MAPRE1: variants seen among roughly 807,000 people sequenced by gnomAD.
The protein encoded by MAPRE1 is microtubule associated protein RP/EB family member 1.
A neutral mutation model predicts 32.1 loss-of-function variants in MAPRE1; 5 were observed. The ratio of observed to expected loss-of-function variants is 0.16; its 90% confidence interval spans 0.08 to 0.33. The LOEUF (loss-of-function observed/expected upper bound fraction) is 0.33, where lower values mean the gene tolerates loss of function less well. MAPRE1 is among the 10% of genes least tolerant of loss of function. The pLI, the probability that MAPRE1 is intolerant of heterozygous loss-of-function variation, is 1.00. For missense variants in MAPRE1, 209 were observed against 327.2 expected (o/e 0.64, Z 2.79); for synonymous variants, 122 against 118.9 (o/e 1.03, Z -0.17).
chr20:32,830,553 A>G (rs1296006385), intron 2 of MAPRE1, among the ~76,000 whole-genome samples: 2 of 152,164 alleles, frequency 1.3e-5, no homozygotes, highest in Non-Finnish European at 1.5e-5. Context: ...CTTCTGAAAG[A>G]GCTTCTAGAT....
chr20:32,831,649 C>T (rs1000643588), intron 2 of MAPRE1, among the ~76,000 whole-genome samples: 24 of 151,642 alleles, frequency 1.6e-4, no homozygotes, highest in Admixed American at 1.6e-3. Context: ...TCTCCTGCCT[C>T]GGGTTCCCAA....
intron 4 of MAPRE1, 50 bp from the exon 5 acceptor site, chr20:32,839,685 T>G (rs763577855): frequency 1.2e-6 from 2 of 1,603,458 alleles, no homozygotes; most frequent in Non-Finnish European, 1.7e-6. Context: ...ATTTTTTGTT[T>G]GTTTGGGCTG....
At chr20:32,842,799 G>A (rs533622234) in intron 5 of MAPRE1, among the ~76,000 whole-genome samples, 3 of 152,314 alleles carry the variant, frequency 2.0e-5, no homozygotes, top group Middle Eastern at 6.8e-3. Context: ...TCCCAGATGA[G>A]GGTTACGGAA....
intron 2 of MAPRE1, among the ~76,000 whole-genome samples, chr20:32,832,493 GTC>G (rs1216619598): frequency 6.8e-6 from 1 of 146,032 alleles, no homozygotes; most frequent in Admixed American, 6.9e-5. Flanking sequence ...TTGAGACGAG[GTC>G]TCTCTCTGTC....
chr20:32,820,180 C>G (rs1156677890), intron 1 of MAPRE1, among the ~76,000 whole-genome samples, 152 bp downstream of exon 1: 2 of 140,972 alleles, frequency 1.4e-5, no homozygotes, highest in African/African-American at 2.7e-5. Context: ...GGGGCCGTCA[C>G]CCGGCGCGCG....
chr20:32,832,317 A>G (rs1030189776), intron 2 of MAPRE1, among the ~76,000 whole-genome samples: 2 of 152,188 alleles, frequency 1.3e-5, no homozygotes, highest in Admixed American at 6.5e-5. Context: ...CCTGCTGTGA[A>G]TTAGGAGAGT....
chr20:32,832,094 C>G (rs893891606), intron 2 of MAPRE1, among the ~76,000 whole-genome samples: 1 of 152,280 alleles, frequency 6.6e-6, no homozygotes, highest in Admixed American at 6.5e-5. Context: ...AGTGCCCCTG[C>G]TCTCGTTTAT....
chr20:32,834,021 CT>C (rs3841682), intron 3 of MAPRE1, among the ~76,000 whole-genome samples, 159 bp downstream of exon 3: 1 of 152,212 alleles, frequency 6.6e-6, no homozygotes, highest in Admixed American at 6.5e-5. Flanking sequence ...CAGTTTGCCC[CT>C]ACCTTCTTGC....
chr20:32,826,737 G>A (rs1982863757), intron 2 of MAPRE1, among the ~76,000 whole-genome samples: 2 of 150,098 alleles, frequency 1.3e-5, no homozygotes, highest in Admixed American at 6.6e-5. Flanking sequence ...CCATGAGGTC[G>A]AACTCGTGAC....
chr20:32,830,324 C>T (rs1368278082), intron 2 of MAPRE1, among the ~76,000 whole-genome samples: 1 of 152,168 alleles, frequency 6.6e-6, no homozygotes, highest in Admixed American at 6.5e-5. Context: ...AGTGTGTTAT[C>T]ACACCTGTAA....
intron 2 of MAPRE1, among the ~76,000 whole-genome samples, chr20:32,826,832 TAAAG>T (rs1163437958): frequency 2.6e-5 from 4 of 151,994 alleles, no homozygotes; most frequent in Non-Finnish European, 5.9e-5. Context: ...TATACTTAAA[TAAAG>T]AGTGTGCTCT....
intron 5 of MAPRE1, among the ~76,000 whole-genome samples, chr20:32,844,205 C>T (rs1013330731): frequency 2.6e-5 from 4 of 151,998 alleles, no homozygotes; most frequent in African/African-American, 7.3e-5. Flanking sequence ...AGGAGTGCCA[C>T]GTGAAAGCCA....
chr20:32,828,442 T>A (rs561128134), intron 2 of MAPRE1, among the ~76,000 whole-genome samples: 8 of 152,248 alleles, frequency 5.3e-5, no homozygotes, highest in Non-Finnish European at 7.3e-5. Context: ...AAGTTGTATA[T>A]GTGCTGATCG....
At chr20:32,843,752 G>A (rs1983426288) in intron 5 of MAPRE1, among the ~76,000 whole-genome samples, 1 of 152,106 alleles carries the variant, frequency 6.6e-6, no homozygotes, top group Non-Finnish European at 1.5e-5. Flanking sequence ...ACTGTGGCCA[G>A]TGCAGGCCTG....
At chr20:32,833,926 T>TA in intron 3 of MAPRE1, 64 bp downstream of exon 3, 1 of 1,395,308 alleles carries the variant, frequency 7.2e-7, no homozygotes. Context: ...AGGAGGTAGA[T>TA]GCTAGCTTAT....
intron 2 of MAPRE1, among the ~76,000 whole-genome samples, chr20:32,827,566 T>G (rs1215975454): frequency 6.6e-5 from 10 of 152,102 alleles, no homozygotes; most frequent in African/African-American, 2.4e-4. Flanking sequence ...TCACTAATCA[T>G]GAGCCACTGT....
At position 32,839,725 on chromosome 20, in the gene MAPRE1, T is replaced by G. The variant is rs1027553584; in HGVS notation, c.476-10T>G. ...TACTCCTTTTCAAAAACCTGTGCTC[T>G]CTTTTTCAGCTCCCCAGAGGCCCAT... On this transcript the variant is annotated splice_polypyrimidine_tract_variant and intron_variant, in intron 4 of 6. Transcript: ENST00000375571. 14 of 1,613,450 alleles carry G rather than the reference T, an allele frequency of 8.7e-6. No individual in the cohort carries two copies. Among genetic ancestry groups the G allele is most frequent in the Admixed American group, 6.7e-5 (4 of 59,810 alleles).
At chr20:32,825,401 T>TTG (rs1982815902) in intron 1 of MAPRE1, among the ~76,000 whole-genome samples, 3 of 152,302 alleles carry the variant, frequency 2.0e-5, no homozygotes, top group Admixed American at 2.0e-4. Context: ...GTTGGGCAGT[T>TTG]CATTTCAGGT....
intron 5 of MAPRE1, chr20:32,843,624 T>A (rs1416980345): frequency 6.6e-6 from 1 of 152,232 alleles, no homozygotes; most frequent in African/African-American, 2.4e-5. Flanking sequence ...AATGAGCTGT[T>A]TTACATTTGA....
Sources: gnomAD v4.1 joint callset for allele counts (sites outside exome capture counted in the v4.1 genomes callset) on GRCh38, gnomAD v4.1.1 for gene constraint, MANE v1.5 for transcripts, NCBI Gene and HGNC (gene_info 2026-07-23, HGNC 2026-07-21) for gene names.